EIF4G2: variants seen among roughly 807,000 people sequenced by gnomAD.
EIF4G2 encodes DAP-5.
EIF4G2 carries 8 observed loss-of-function variants against 117.7 expected under a neutral mutation model. The observed-to-expected ratio is 0.07, with a 90% confidence interval of 0.04 to 0.12. The LOEUF (loss-of-function observed/expected upper bound fraction) is 0.12, where lower values mean the gene tolerates loss of function less well. Ranked by LOEUF, EIF4G2 falls within the 10% of genes least tolerant of loss-of-function variation. EIF4G2 has a pLI of 1.00. For missense variants in EIF4G2, 812 were observed against 1,086.2 expected (o/e 0.75, Z 3.55); for synonymous variants, 413 against 367.8 (o/e 1.12, Z -1.41).
chr11:10,808,639 A>C, intron 1 of EIF4G2, 66 bp downstream of exon 1: 1 of 384,464 alleles, frequency 2.6e-6, no homozygotes, highest in Non-Finnish European at 4.0e-6. Context: ...CCACTCGAGA[A>C]GAAGCGACCA....
intron 3 of EIF4G2, 45 bp from the exon 4 acceptor site, chr11:10,806,092 A>C: frequency 1.2e-6 from 2 of 1,609,740 alleles, no homozygotes; most frequent in Non-Finnish European, 1.7e-6. Flanking sequence ...CACACACCAA[A>C]TGTTAAACAT....
chr11:10,797,989 C>T lies in EIF4G2; in HGVS notation c.2659-108G>A. 1 of 957,062 alleles carries T rather than the reference C, an allele frequency of 1.0e-6. No individual in the cohort carries two copies. Among genetic ancestry groups the T allele is most frequent in the Non-Finnish European group, 1.6e-6 (1 of 617,934 alleles). The allele number at this position is 957,062 out of a possible 1,614,324, so 59.3% of individuals were successfully genotyped here. On this transcript the variant is annotated intron_variant, in intron 21 of 21. Transcript: ENST00000339995. This position sits in a 1 kb window ranked among gnomAD's most constrained non-coding sequence, Gnocchi z 4.5. ...TTTTAGAATATGAAACAAGGATATC[C>T]CTACCAACAATTTGTATATTAAGTT...
Position 10,800,838 on chromosome 11 carries a change from A to T in EIF4G2, c.1540-3T>A, listed in dbSNP as rs774244755. 6 of 1,613,466 alleles carry T rather than the reference A, an allele frequency of 3.7e-6. No individual in the cohort carries two copies. The highest frequency in any genetic ancestry group is 5.1e-6 in the Non-Finnish European group (6 of 1,179,558). On this transcript the variant is annotated splice_region_variant and splice_polypyrimidine_tract_variant and intron_variant, in intron 15 of 21. Coordinates refer to ENST00000339995, the MANE Select transcript of EIF4G2 (RefSeq NM_001418.4). ...GTTTTGAGACCAAGCTGAGGTGTCT[A>T]AAAAACAAGCAATGACAGACTTTTT...
rs1440081426 is a variant in EIF4G2, at chr11:10,800,808, G to A, written c.1567C>T (p.Pro523Ser). 3 of 1,614,150 alleles carry A rather than the reference G, an allele frequency of 1.9e-6. No homozygotes were observed. The highest frequency in any genetic ancestry group is 1.7e-5 in the Admixed American group (1 of 60,026). The change falls in exon 16 of 22, where the codon CCA (proline) becomes TCA (serine). Residue 523 changes from proline to serine, a missense_variant. Physicochemically the swap from Pro to Ser is moderately conservative, Grantham distance 74 (BLOSUM62 -1). Around this residue, in one of 4 missense-constraint regions of EIF4G2, gnomAD observed 571 missense variants for 642.3 expected, o/e 0.89. Coordinates refer to ENST00000339995, the MANE Select transcript of EIF4G2 (RefSeq NM_001418.4). ...GCAGGCTTTTCCTGGATAAGCGGTGGATTAGTTTTGAGACCAAGCTGAGGT... is the reference window on the plus strand; with the variant it reads ...GCAGGCTTTTCCTGGATAAGCGGTGAATTAGTTTTGAGACCAAGCTGAGGT...
rs372541323 is a variant in EIF4G2, at chr11:10,799,116, TAAAAAA to T, written c.2537-9_2537-4del. On this transcript the variant is annotated splice_polypyrimidine_tract_variant and splice_region_variant and intron_variant, in intron 20 of 21. Transcript: ENST00000339995. Reference sequence around the variant, plus strand: ...CACAAAAAAGCGAAGTAACATGCCTTAAAAAAAAAAAAAAAAAGAAAAAAGTAATAA... The same window carrying T: ...CACAAAAAAGCGAAGTAACATGCCTTAAAAAAAAAAAGAAAAAAGTAATAA... 115 of 1,469,348 alleles carry T rather than the reference TAAAAAA, an allele frequency of 7.8e-5. No homozygotes were observed. Among genetic ancestry groups the T allele is most frequent in the East Asian group, 1.2e-4 (5 of 42,036 alleles). The allele number at this position is 1,469,348 out of a possible 1,614,324, so 91.0% of individuals were successfully genotyped here.
At chr11:10,808,257 C>G in intron 1 of EIF4G2, 1 of 1,185,716 alleles carries the variant, frequency 8.4e-7, no homozygotes, top group Non-Finnish European at 1.1e-6. Context: ...CAGCCCCTGC[C>G]GACTCCAGGT....
In EIF4G2 at chr11:10,803,271, G is replaced by C; in HGVS notation, c.837C>G (p.Ala279=). 1 of 1,614,018 alleles carries C rather than the reference G, an allele frequency of 6.2e-7. No individual in the cohort carries two copies. Among genetic ancestry groups the C allele is most frequent in the South Asian group, 1.1e-5 (1 of 91,054 alleles). Residue 279 remains alanine (A), a synonymous_variant, in exon 10 of 22, where the codon GCC becomes GCG. Coordinates refer to ENST00000339995, the MANE Select transcript of EIF4G2 (RefSeq NM_001418.4). The surrounding 1 kb of genome is among the most constrained non-coding windows in gnomAD (Gnocchi z 4.0). ...TACTTAACATCAAGGAGCACATTCGGGCAAAGTACTGATCCATTAAGGACT... is the reference window on the plus strand; with the variant it reads ...TACTTAACATCAAGGAGCACATTCGCGCAAAGTACTGATCCATTAAGGACT...
In EIF4G2 at chr11:10,807,395, G is replaced by A. The variant is rs574706699; in HGVS notation, c.-86-14C>T. 7 of 1,588,926 alleles carry A rather than the reference G, an allele frequency of 4.4e-6. No individual in the cohort carries two copies. Among genetic ancestry groups the A allele is most frequent in the Non-Finnish European group, 5.1e-6 (6 of 1,174,186 alleles). On this transcript the variant is annotated splice_polypyrimidine_tract_variant and intron_variant, in intron 1 of 21. Transcript: ENST00000339995. ...GAAATGAAATACCTGGAACGAGAAA[G>A]AGCACCAAAATTAGACACTGCTAAC...
chr11:10,801,505 G>A (rs1449201320), intron 14 of EIF4G2, 156 bp downstream of exon 14: 1 of 813,904 alleles, frequency 1.2e-6, no homozygotes, highest in South Asian at 1.3e-5. Context: ...ACAGGACGCT[G>A]GACATTCAAA....
intron 1 of EIF4G2, chr11:10,807,945 T>C (rs1041980482): frequency 2.0e-6 from 2 of 1,014,064 alleles, no homozygotes; most frequent in African/African-American, 3.5e-5. Context: ...TTTCCCTTCC[T>C]GGGAACAAAA....
intron 1 of EIF4G2, chr11:10,807,972 C>T (rs1427093302): frequency 8.7e-6 from 9 of 1,032,754 alleles, no homozygotes; most frequent in Non-Finnish European, 1.0e-5. Flanking sequence ...AGCATTCCTC[C>T]CACCCAGGCG....
intron 5 of EIF4G2, 59 bp from the exon 6 acceptor site, chr11:10,804,477 T>C: frequency 1.3e-6 from 2 of 1,519,722 alleles, no homozygotes; most frequent in East Asian, 2.3e-5. Context: ...ACCCTTCCTT[T>C]AGGAAAAATA....
At position 10,797,909 on chromosome 11, in the gene EIF4G2, T is replaced by C; in HGVS notation, c.2659-28A>G. The C allele has an allele frequency of 1.2e-6, 2 of 1,604,590 alleles. No homozygotes were observed. Among genetic ancestry groups the C allele is most frequent in the Non-Finnish European group, 1.7e-6 (2 of 1,173,246 alleles). On this transcript the variant is annotated intron_variant, in intron 21 of 21. Coordinates refer to ENST00000339995, the MANE Select transcript of EIF4G2 (RefSeq NM_001418.4). The surrounding 1 kb of genome is among the most constrained non-coding windows in gnomAD (Gnocchi z 4.5). ...ATAAATTAAGATTTGTAAATTAAAATAGTTCATGATATAAACAGAAATCCA... is the reference window on the plus strand; with the variant it reads ...ATAAATTAAGATTTGTAAATTAAAACAGTTCATGATATAAACAGAAATCCA...
At chr11:10,808,353 G>A in intron 1 of EIF4G2, 1 of 1,204,730 alleles carries the variant, frequency 8.3e-7, no homozygotes, top group Non-Finnish European at 1.1e-6. Flanking sequence ...TTCCCTGCCG[G>A]CCCGCGTGCC....
rs1194782261 is a variant in EIF4G2, at chr11:10,799,582, T to G, written c.2294A>C (p.Asp765Ala). ...CATTAAGATGTTCACAAATCCTTTATCTACATGAAGTTTGGGAGAGATGTT... is the reference window on the plus strand; with the variant it reads ...CATTAAGATGTTCACAAATCCTTTAGCTACATGAAGTTTGGGAGAGATGTT... The change falls in exon 19 of 22, where the codon GAT becomes GCT. Residue 765 changes from aspartate to alanine, a missense_variant. Asp to Ala is a moderately radical substitution (Grantham distance 126, BLOSUM62 -2). This residue lies in a region of EIF4G2 where 571 missense variants were observed against 642.3 expected (regional missense o/e 0.89). Coordinates refer to ENST00000339995, the MANE Select transcript of EIF4G2 (RefSeq NM_001418.4). The G allele has an allele frequency of 6.2e-7, 1 of 1,613,998 alleles. No homozygotes were observed. The highest frequency in any genetic ancestry group is 1.3e-5 in the African/African-American group (1 of 74,924).
intron 21 of EIF4G2, 105 bp downstream of exon 21, chr11:10,798,887 A>C: frequency 7.4e-7 from 1 of 1,352,826 alleles, no homozygotes; most frequent in South Asian, 1.4e-5. Context: ...ACAAACTACT[A>C]ACTAGGACTA....
chr11:10,802,515 G>A (rs1404653109), intron 11 of EIF4G2, 80 bp from the exon 12 acceptor site: 1 of 1,436,844 alleles, frequency 7.0e-7, no homozygotes, highest in Non-Finnish European at 9.3e-7. Flanking sequence ...AACTAGGGGG[G>A]GAAACCTAGA....
chr11:10,804,228 TTTA>T, intron 6 of EIF4G2, 25 bp from the exon 7 acceptor site: 1 of 1,613,162 alleles, frequency 6.2e-7, no homozygotes, highest in Non-Finnish European at 8.5e-7. Context: ...ATTGTCATGC[TTTA>T]TTAAGGAAAT....
At chr11:10,801,277 T>C (rs1001323268) in intron 14 of EIF4G2, 190 bp from the exon 15 acceptor site, 29 of 667,514 alleles carry the variant, frequency 4.3e-5, no homozygotes, top group Non-Finnish European at 6.7e-5. Flanking sequence ...ATGCATACAG[T>C]AGTAAGATAC....
Sources: allele counts gnomAD v4.1 joint callset, GRCh38; gene constraint gnomAD v4.1.1; regional missense constraint gnomAD v4.1.1; non-coding constraint Gnocchi (gnomAD v3.1); transcripts MANE v1.5; gene names NCBI Gene and HGNC (gene_info 2026-07-23, HGNC 2026-07-21).